COX6C: variants seen among roughly 807,000 people sequenced by gnomAD.
COX6C encodes cytochrome c oxidase subunit 6C.
In COX6C, 3 loss-of-function variants were observed where a neutral mutation model predicts 6.9. That is an observed-to-expected ratio of 0.43 (90% CI 0.20 to 1.12). The LOEUF (loss-of-function observed/expected upper bound fraction) is 1.12. COX6C is among the 50% of genes most tolerant of loss of function. The pLI is 0.27. For missense variants in COX6C, 101 were observed against 97.3 expected (o/e 1.04, Z -0.16); for synonymous variants, 32 against 32.0 (o/e 1.00, Z 0.00).
intron 2 of COX6C, among the ~76,000 whole-genome samples, chr8:99,888,493 C>T (rs1001930892): frequency 6.6e-6 from 1 of 152,074 alleles, no homozygotes. Flanking sequence ...ATTGCTTGAA[C>T]CTGGGAGGCC....
chr8:99,882,836 T>C (rs1228861276), intron 3 of COX6C, among the ~76,000 whole-genome samples: 1 of 152,218 alleles, frequency 6.6e-6, no homozygotes, highest in Non-Finnish European at 1.5e-5. Context: ...CTCCCTCTGA[T>C]GCCTAGGCTG....
chr8:99,888,656 C>G (rs1817983257), intron 2 of COX6C, among the ~76,000 whole-genome samples: 1 of 152,178 alleles, frequency 6.6e-6, no homozygotes, highest in East Asian at 1.9e-4. Flanking sequence ...CTCTCCCTAC[C>G]TCACTTAGTC....
chr8:99,889,399 T>C (rs1817999457), intron 2 of COX6C, among the ~76,000 whole-genome samples: 1 of 151,664 alleles, frequency 6.6e-6, no homozygotes, highest in Non-Finnish European at 1.5e-5. Context: ...TTTTTTTTTT[T>C]TTTGAGACAG....
At chr8:99,883,474 T>C (rs113488680) in intron 3 of COX6C, among the ~76,000 whole-genome samples, 7 of 150,510 alleles carry the variant, frequency 4.7e-5, no homozygotes, top group African/African-American at 9.8e-5. Context: ...TATATATATT[T>C]TTTTTTTGGT....
chr8:99,892,219 CT>C (rs1174839215), intron 1 of COX6C, among the ~76,000 whole-genome samples, 167 bp from the exon 2 acceptor site: 1 of 152,146 alleles, frequency 6.6e-6, no homozygotes, highest in African/African-American at 2.4e-5. Context: ...TCTAGCTATG[CT>C]CCCCAGGCTG....
At chr8:99,881,446 T>C (rs1817863535) in intron 3 of COX6C, among the ~76,000 whole-genome samples, 1 of 152,090 alleles carries the variant, frequency 6.6e-6, no homozygotes, top group African/African-American at 2.4e-5. Flanking sequence ...AGTAACTATA[T>C]AGGTCCATGT....
chr8:99,891,403 T>C (rs903221719), intron 2 of COX6C, among the ~76,000 whole-genome samples: 2 of 151,576 alleles, frequency 1.3e-5, no homozygotes, highest in African/African-American at 4.9e-5. Flanking sequence ...ACAAAAAATA[T>C]AAAAATTAGC....
chr8:99,888,018 G>A (rs762906137), intron 2 of COX6C, among the ~76,000 whole-genome samples: 2 of 149,314 alleles, frequency 1.3e-5, no homozygotes, highest in African/African-American at 4.9e-5. Flanking sequence ...GTGAACCCGG[G>A]AGACGGAGGT....
At chr8:99,886,794 G>A (rs948471623) in intron 3 of COX6C, among the ~76,000 whole-genome samples, 10 of 152,132 alleles carry the variant, frequency 6.6e-5, no homozygotes, top group African/African-American at 2.4e-4. Flanking sequence ...GAGATGCCTG[G>A]GGTAGCCAAA....
rs1450693398 is a variant in COX6C at position 99,893,704 on chromosome 8, G to C, written c.-97C>G. ...CGTGCTGTAGCCGCGCGCAGGCGCA[G>C]AATAAGAGTGCACAGCGAGAACGCG... On this transcript the variant is annotated 5_prime_UTR_variant, in exon 1 of 4. Transcript: ENST00000520468. 1 of 152,322 alleles carries C rather than the reference G, an allele frequency of 6.6e-6. No homozygotes were observed. Among genetic ancestry groups the C allele is most frequent in the Non-Finnish European group, 1.5e-5 (1 of 68,096 alleles). 9.4% of individuals were successfully genotyped at this position (152,322 alleles called of 1,614,324 possible). A position where few individuals can be genotyped will look rare whatever the true frequency, so the allele number is the denominator to read the frequency against.
chr8:99,890,535 C>A (rs1467365830), intron 2 of COX6C, among the ~76,000 whole-genome samples: 12 of 152,196 alleles, frequency 7.9e-5, no homozygotes, highest in Non-Finnish European at 1.8e-4. Context: ...TTCAACAGGT[C>A]CTTTTAATAA....
intron 3 of COX6C, among the ~76,000 whole-genome samples, chr8:99,879,539 C>T (rs1817825396): frequency 6.6e-6 from 1 of 151,982 alleles, no homozygotes; most frequent in Non-Finnish European, 1.5e-5. Flanking sequence ...AACATATGGA[C>T]CAAAAATTTA....
In COX6C at chr8:99,893,620, C is replaced by G. The variant is rs573320913; in HGVS notation, c.-32+19G>C. The G allele has an allele frequency of 6.6e-6, 1 of 152,440 alleles. No individual in the cohort carries two copies. Among genetic ancestry groups the G allele is most frequent in the East Asian group, 1.9e-4 (1 of 5,182 alleles). The allele number at this position is 152,440 out of a possible 1,614,324, so 9.4% of individuals were successfully genotyped here. A position where few individuals can be genotyped will look rare whatever the true frequency, so the allele number is the denominator to read the frequency against. ...AACCCGCAGTGTCGGGGTAGGGATG[C>G]AAAAGGGACCGGACTCACCTCAACA... is the stretch of plus-strand genomic sequence containing the variant. On this transcript the variant is annotated intron_variant, in intron 1 of 3. Transcript: ENST00000520468.
chr8:99,880,127 C>T (rs772265809), intron 3 of COX6C, among the ~76,000 whole-genome samples: 1 of 152,142 alleles, frequency 6.6e-6, no homozygotes, highest in Non-Finnish European at 1.5e-5. Context: ...CTTTATGGTG[C>T]GCTAATCAGT....
intron 3 of COX6C, among the ~76,000 whole-genome samples, chr8:99,885,315 G>A (rs951374739): frequency 2.6e-5 from 4 of 152,086 alleles, no homozygotes; most frequent in Non-Finnish European, 2.9e-5. Flanking sequence ...TGAGTTAAAC[G>A]TCATCATAGG....
intron 3 of COX6C, among the ~76,000 whole-genome samples, chr8:99,882,568 A>G (rs1817880456): frequency 7.1e-6 from 1 of 140,034 alleles, no homozygotes; most frequent in African/African-American, 3.0e-5. Context: ...TAGCTGAATA[A>G]TATTAAACAA....
chr8:99,888,932 T>C (rs571008695), intron 2 of COX6C, among the ~76,000 whole-genome samples: 10 of 152,320 alleles, frequency 6.6e-5, no homozygotes, highest in African/African-American at 1.2e-4. Context: ...TAGCCTAGTA[T>C]TCAATCTGTG....
At chr8:99,889,022 A>G (rs142391006) in intron 2 of COX6C, among the ~76,000 whole-genome samples, 261 of 152,268 alleles carry the variant, frequency 1.7e-3, no homozygotes, top group African/African-American at 6.0e-3. Flanking sequence ...CAATAAATTC[A>G]GCCCTCCTCA....
chr8:99,892,489 C>T (rs1014432777), intron 1 of COX6C, among the ~76,000 whole-genome samples: 1 of 152,178 alleles, frequency 6.6e-6, no homozygotes, highest in Non-Finnish European at 1.5e-5. Context: ...CTGCATACCT[C>T]ATGTAGCTCT....
Sources: gnomAD v4.1 joint callset for allele counts (sites outside exome capture counted in the v4.1 genomes callset) on GRCh38, gnomAD v4.1.1 for gene constraint, MANE v1.5 for transcripts, NCBI Gene and HGNC (gene_info 2026-07-23, HGNC 2026-07-21) for gene names.